The following MARCHF1 variants were observed in gnomAD, a reference collection of about 807,000 sequenced individuals.
MARCHF1 encodes membrane associated ring-CH-type finger 1.
A neutral mutation model predicts 54.2 loss-of-function variants in MARCHF1; 40 were observed. The observed-to-expected ratio is 0.74, with a 90% CI of 0.57 to 0.96. The LOEUF (loss-of-function observed/expected upper bound fraction) is 0.96. Among genes scored for constraint, MARCHF1 ranks in the 40% least tolerant of loss-of-function variants. The pLI is 0.00. For missense variants in MARCHF1, 586 were observed against 656.5 expected, an observed-to-expected ratio of 0.89 and a Z score of 1.17; for synonymous variants, 236 against 236.3, an observed-to-expected ratio of 1.00 and a Z score of 0.01.
intron 3 of MARCHF1, among the ~76,000 whole-genome samples, chr4:163,939,159 T>C (rs1395367074): frequency 1.3e-5 from 2 of 152,140 alleles, no homozygotes; most frequent in Admixed American, 6.6e-5. Flanking sequence ...TTACAATAAA[T>C]AGAACTCTCA....
chr4:164,342,931 T>C (rs972453074), intron 1 of MARCHF1, among the ~76,000 whole-genome samples: 1 of 152,060 alleles, frequency 6.6e-6, no homozygotes, highest in African/African-American at 2.4e-5. Context: ...ACGTGGAATC[T>C]AAAAAAGTCA....
chr4:163,675,355 C>T (rs1408500306), intron 5 of MARCHF1, among the ~76,000 whole-genome samples: 1 of 152,134 alleles, frequency 6.6e-6, no homozygotes, highest in Non-Finnish European at 1.5e-5. Flanking sequence ...ATTACCCTTG[C>T]AGTAGGTATT....
At chr4:163,681,673 G>A (rs1291604583) in intron 5 of MARCHF1, among the ~76,000 whole-genome samples, 2 of 152,168 alleles carry the variant, frequency 1.3e-5, no homozygotes, top group Non-Finnish European at 2.9e-5. Context: ...GGATGTGTTT[G>A]CTGCTTCTTC....
Position 164,051,467 on chromosome 4 carries a change from C to T in MARCHF1, c.-248+60121G>A, listed in dbSNP as rs541599289. 6.9e-4 allele frequency among the ~76,000 whole-genome samples: 105 copies of T among 152,220 alleles called. 1 individual carries two copies. The highest frequency in any genetic ancestry group is 2.4e-3 in the African/African-American group (99 of 41,544). ...TAAACCAAAATAGCAACTGTGATTT[C>T]TACCTGGTGGGAGAATCCTATATAC... On this transcript the variant is annotated intron_variant, in intron 2 of 9. Coordinates refer to ENST00000514618, the MANE Select transcript of MARCHF1 (RefSeq NM_001394959.1).
chr4:164,229,020 TG>T (rs1205960807), intron 1 of MARCHF1, among the ~76,000 whole-genome samples: 12 of 152,280 alleles, frequency 7.9e-5, no homozygotes, highest in African/African-American at 2.4e-4. Flanking sequence ...TAGCGAAAAT[TG>T]GATGTTAAAA....
At chr4:163,986,455 A>G (rs564205878) in intron 3 of MARCHF1, among the ~76,000 whole-genome samples, 14 of 151,248 alleles carry the variant, frequency 9.3e-5, no homozygotes, top group East Asian at 7.9e-4. Flanking sequence ...TAGTAGAGAC[A>G]GGGTTTCACC....
chr4:164,185,436 G>A (rs1730941694), intron 1 of MARCHF1, among the ~76,000 whole-genome samples: 3 of 152,068 alleles, frequency 2.0e-5, no homozygotes, highest in Non-Finnish European at 4.4e-5. Context: ...TCCTGCACAT[G>A]TCAAATAAGT....
rs1748049578 is a variant in MARCHF1 at position 163,800,513 on chromosome 4, A to G, written c.111+53508T>C. ...AATCAAAGTTAAGAGCTTTTAAGGGATACTTAAAGTAGCTCCCTCCCATCT... is the reference window on the plus strand; with the variant it reads ...AATCAAAGTTAAGAGCTTTTAAGGGGTACTTAAAGTAGCTCCCTCCCATCT... On this transcript the variant is annotated intron_variant, in intron 4 of 9. Transcript: ENST00000514618. Among the ~76,000 whole-genome samples the G allele has an allele frequency of 2.0e-5, 3 of 151,900 alleles. 1 individual carries two copies. The South Asian group carries it at 6.2e-4, about 32-fold the overall frequency.
At chr4:163,906,704 A>G (rs1751075144) in intron 3 of MARCHF1, among the ~76,000 whole-genome samples, 2 of 151,432 alleles carry the variant, frequency 1.3e-5, no homozygotes, top group African/African-American at 4.8e-5. Flanking sequence ...TCAAAGTCCT[A>G]TGAAAGTCTT....
chr4:164,033,176 GA>G (rs893008974), intron 2 of MARCHF1, among the ~76,000 whole-genome samples: 2,837 of 127,848 alleles, frequency 0.022, 60 homozygotes, highest in African/African-American at 0.055. Flanking sequence ...TCCATCTCGG[GA>G]AAAAAAAAAA....
chr4:163,574,452 AACGT>A (rs1440233351), intron 8 of MARCHF1, among the ~76,000 whole-genome samples: 1 of 150,708 alleles, frequency 6.6e-6, no homozygotes, highest in African/African-American at 2.5e-5. Context: ...TTTTAGGTCT[AACGT>A]TTAAGTCTTT....
intron 1 of MARCHF1, among the ~76,000 whole-genome samples, chr4:164,268,059 A>T (rs1314129219): frequency 6.6e-6 from 1 of 152,192 alleles, no homozygotes; most frequent in Non-Finnish European, 1.5e-5. Context: ...TTCAAAGGTC[A>T]TGAGCTTCTA....
chr4:163,610,894 G>A (rs1213120732), intron 7 of MARCHF1, among the ~76,000 whole-genome samples: 1 of 151,916 alleles, frequency 6.6e-6, no homozygotes, highest in Non-Finnish European at 1.5e-5. Flanking sequence ...GCCAAGCTCC[G>A]TCCCTCCTCT....
At chr4:163,577,059 A>G (rs1309880056) in intron 8 of MARCHF1, among the ~76,000 whole-genome samples, 1 of 152,052 alleles carries the variant, frequency 6.6e-6, no homozygotes, top group Non-Finnish European at 1.5e-5. Context: ...GACCATTTAC[A>G]TTCAAGGTTA....
chr4:164,131,834 A>G (rs1028495576), intron 1 of MARCHF1, among the ~76,000 whole-genome samples: 5 of 152,160 alleles, frequency 3.3e-5, no homozygotes, highest in African/African-American at 1.2e-4. Context: ...AATTTCTTAC[A>G]TGAAGTCTGT....
At chr4:164,168,539 A>G (rs1291242942) in intron 1 of MARCHF1, among the ~76,000 whole-genome samples, 1 of 152,012 alleles carries the variant, frequency 6.6e-6, no homozygotes, top group Non-Finnish European at 1.5e-5. Context: ...GTCTGTGTAT[A>G]CACACACACA....
At chr4:164,177,009 T>TATAC (rs1553989397) in intron 1 of MARCHF1, among the ~76,000 whole-genome samples, 816 of 55,418 alleles carry the variant, frequency 0.015, 141 homozygotes, top group South Asian at 0.022. Flanking sequence ...TATATATATA[T>TATAC]ACAAATGATA....
intron 7 of MARCHF1, among the ~76,000 whole-genome samples, chr4:163,597,404 T>A (rs928829666): frequency 2.6e-5 from 4 of 152,314 alleles, no homozygotes; most frequent in Middle Eastern, 3.4e-3. Flanking sequence ...CCACTAAGAC[T>A]TTTTTCTGAT....
intron 1 of MARCHF1, among the ~76,000 whole-genome samples, chr4:164,141,358 C>A (rs532566910): frequency 1.3e-5 from 2 of 152,286 alleles, no homozygotes; most frequent in African/African-American, 4.8e-5. Context: ...TAAAAACCAG[C>A]CCCAGCAAGT....
Sources: gnomAD v4.1 joint callset for allele counts (sites outside exome capture counted in the v4.1 genomes callset) on GRCh38, gnomAD v4.1.1 for gene constraint, MANE v1.5 for transcripts, NCBI Gene and HGNC (gene_info 2026-07-23, HGNC 2026-07-21) for gene names.